Variants in DCC observed in about 807,000 individuals in gnomAD.
The protein encoded by DCC is DCC netrin 1 receptor.
A neutral mutation model predicts 172.5 loss-of-function variants in DCC; 58 were observed. That is an observed-to-expected ratio of 0.34 (90% confidence interval 0.27 to 0.42). The LOEUF (loss-of-function observed/expected upper bound fraction) is 0.42. Among genes scored for constraint, DCC ranks in the 10% least tolerant of loss-of-function variants. The pLI is 1.00. For synonymous variants in DCC, 709 were observed against 644.5 expected, an observed-to-expected ratio of 1.10 and a Z score of -1.52; for missense variants, 1,740 against 1,791.0, an observed-to-expected ratio of 0.97 and a Z score of 0.51.
rs1306677003 is a variant in DCC, at chr18:53,429,105, AATAT to A, written c.3164-6032_3164-6029del. On this transcript the variant is annotated intron_variant, in intron 21 of 28. Coordinates refer to ENST00000442544, the MANE Select transcript of DCC (RefSeq NM_005215.4). ...TTTATATAATATATATTTTATATAT[AATAT>A]ATATATTTTATATATATATAAATAT... Among the ~76,000 whole-genome samples the A allele has an allele frequency of 5.0e-5, 4 of 80,576 alleles. No homozygotes were observed. The Admixed American group carries it at 7.2e-4, about 14-fold the overall frequency. The allele number at this position is 80,576 out of a possible 152,430, so 52.9% of individuals were successfully genotyped here.
At chr18:53,065,919 C>A (rs1017202094) in intron 6 of DCC, 127 bp from the exon 7 acceptor site, 17 of 1,050,940 alleles carry the variant, frequency 1.6e-5, no homozygotes, top group African/African-American at 3.1e-5. Flanking sequence ...GAGGCTGAGA[C>A]CCCTCATGGC....
intron 1 of DCC, among the ~76,000 whole-genome samples, chr18:52,740,412 C>T (rs1251353679): frequency 6.6e-6 from 1 of 152,146 alleles, no homozygotes; most frequent in African/African-American, 2.4e-5. Flanking sequence ...CAGTAAATAT[C>T]ATGACAAAAT....
intron 5 of DCC, among the ~76,000 whole-genome samples, chr18:52,991,116 C>T (rs992535980): frequency 6.6e-6 from 1 of 152,046 alleles, no homozygotes; most frequent in Non-Finnish European, 1.5e-5. Context: ...GATTGTGGAC[C>T]CATCTCATTC....
chr18:52,350,752 C>G (rs1984083871), intron 1 of DCC, among the ~76,000 whole-genome samples: 1 of 151,922 alleles, frequency 6.6e-6, no homozygotes, highest in South Asian at 2.1e-4. Context: ...TTGATTGGAC[C>G]AAAAAGAGGC....
At chr18:52,442,724 T>G (rs899503368) in intron 1 of DCC, among the ~76,000 whole-genome samples, 8 of 152,236 alleles carry the variant, frequency 5.3e-5, no homozygotes, top group Admixed American at 2.0e-4. Flanking sequence ...TAGATTTTAA[T>G]AAGGCTGCAG....
intron 7 of DCC, among the ~76,000 whole-genome samples, chr18:53,085,990 TCC>T (rs1568294147): frequency 1.7e-5 from 1 of 59,532 alleles, no homozygotes; most frequent in Non-Finnish European, 3.1e-5. Context: ...CTTCTTCTTC[TCC>T]TTCTCCTTCT....
At chr18:52,444,206 G>A (rs751406458) in intron 1 of DCC, among the ~76,000 whole-genome samples, 21 of 152,224 alleles carry the variant, frequency 1.4e-4, no homozygotes, top group Non-Finnish European at 2.6e-4. Context: ...TGCAGTTCCT[G>A]GCCTGCAGAA....
intron 5 of DCC, among the ~76,000 whole-genome samples, chr18:52,983,341 C>T (rs1179820578): frequency 6.6e-6 from 1 of 152,104 alleles, no homozygotes; most frequent in Non-Finnish European, 1.5e-5. Context: ...AGAGGCAGAC[C>T]AACATGCTAA....
At chr18:52,486,670 G>T (rs113744871) in intron 1 of DCC, among the ~76,000 whole-genome samples, 1 of 152,016 alleles carries the variant, frequency 6.6e-6, no homozygotes, top group African/African-American at 2.4e-5. Context: ...TTTACTCATC[G>T]TAAAGATAGA....
At chr18:53,241,617 G>A (rs2056296191) in intron 12 of DCC, among the ~76,000 whole-genome samples, 1 of 152,138 alleles carries the variant, frequency 6.6e-6, no homozygotes, top group African/African-American at 2.4e-5. Flanking sequence ...AGAGAACCAG[G>A]CAGAGGTACC....
At chr18:52,950,732 G>A (rs1276981167) in intron 5 of DCC, among the ~76,000 whole-genome samples, 1 of 151,724 alleles carries the variant, frequency 6.6e-6, no homozygotes, top group Non-Finnish European at 1.5e-5. Context: ...AGACCATCCT[G>A]GCTAACACGG....
At chr18:53,390,400 G>C (rs1458316808) in intron 16 of DCC, among the ~76,000 whole-genome samples, 1 of 152,006 alleles carries the variant, frequency 6.6e-6, no homozygotes, top group Admixed American at 6.6e-5. Context: ...ACAAAGTGAA[G>C]TAATCATCAA....
At chr18:52,693,491 A>C (rs1274746273) in intron 1 of DCC, among the ~76,000 whole-genome samples, 1 of 149,020 alleles carries the variant, frequency 6.7e-6, no homozygotes, top group African/African-American at 2.4e-5. Flanking sequence ...AATATAATAT[A>C]ACATAATACA....
intron 5 of DCC, among the ~76,000 whole-genome samples, chr18:52,926,882 TAC>T (rs374414121): frequency 2.8e-3 from 399 of 144,184 alleles, no homozygotes; most frequent in Middle Eastern, 8.8e-3. Flanking sequence ...TATACATATA[TAC>T]ACACACATAC....
intron 12 of DCC, among the ~76,000 whole-genome samples, chr18:53,236,676 A>C (rs545876442): frequency 3.2e-4 from 49 of 152,160 alleles, no homozygotes; most frequent in African/African-American, 9.6e-4. Flanking sequence ...GTTTACCCCA[A>C]GGTATAAAGA....
At chr18:53,150,784 G>A (rs1380259084) in intron 7 of DCC, among the ~76,000 whole-genome samples, 6 of 152,206 alleles carry the variant, frequency 3.9e-5, no homozygotes, top group African/African-American at 1.4e-4. Context: ...CTGGAATTGA[G>A]CAAGTTCAGC....
chr18:53,297,570 T>G (rs2057082832), intron 12 of DCC, among the ~76,000 whole-genome samples: 1 of 152,174 alleles, frequency 6.6e-6, no homozygotes, highest in South Asian at 2.1e-4. Context: ...GTACTTTTAA[T>G]AAAAATCATT....
At chr18:53,137,985 G>GT (rs147374888) in intron 7 of DCC, among the ~76,000 whole-genome samples, 23,048 of 147,552 alleles carry the variant, frequency 0.16, 2,169 homozygotes, top group African/African-American at 0.27. Flanking sequence ...CCTGCTAACT[G>GT]TTTTTTTTTT....
At chr18:53,178,403 G>A (rs964227862) in intron 8 of DCC, among the ~76,000 whole-genome samples, 2 of 152,274 alleles carry the variant, frequency 1.3e-5, no homozygotes, top group East Asian at 1.9e-4. Flanking sequence ...TTCTCTTCAC[G>A]CAGGAAGGAA....
Sources: gnomAD v4.1 joint callset for allele counts (sites outside exome capture counted in the v4.1 genomes callset) on GRCh38, gnomAD v4.1.1 for gene constraint, MANE v1.5 for transcripts, NCBI Gene and HGNC (gene_info 2026-07-23, HGNC 2026-07-21) for gene names.